PCDHGA5: variants seen among roughly 807,000 people sequenced by gnomAD.
The protein encoded by PCDHGA5 is protocadherin gamma-A5.
In PCDHGA5, 36 loss-of-function variants were observed where a neutral mutation model predicts 56.7. That is an observed-to-expected ratio of 0.64 (90% CI 0.49 to 0.84). The LOEUF is 0.84. Ranked by LOEUF, PCDHGA5 falls within the 40% of genes least tolerant of loss-of-function variation. PCDHGA5 has a pLI of 0.00. For synonymous variants in PCDHGA5, 563 were observed against 520.2 expected (o/e 1.08, Z -1.12); for missense variants, 1,305 against 1,201.5 (o/e 1.09, Z -1.27).
intron 1 of PCDHGA5, chr5:141,387,784 T>A (rs2091093181): frequency 6.8e-7 from 1 of 1,472,514 alleles, no homozygotes; most frequent in East Asian, 2.4e-5. Context: ...GAACTGGAAC[T>A]GCAACTAAAG....
At chr5:141,480,703 C>T (rs577131684) in intron 1 of PCDHGA5, among the ~76,000 whole-genome samples, 10 of 152,252 alleles carry the variant, frequency 6.6e-5, no homozygotes, top group Admixed American at 1.3e-4. Flanking sequence ...GGCCACACCC[C>T]GACAAATGAA....
At chr5:141,500,241 C>T (rs1284996879) in intron 2 of PCDHGA5, among the ~76,000 whole-genome samples, 18 of 150,770 alleles carry the variant, frequency 1.2e-4, no homozygotes, top group Non-Finnish European at 1.5e-5. Flanking sequence ...CGTAGCCTTG[C>T]TCTGTCACCC....
intron 2 of PCDHGA5, among the ~76,000 whole-genome samples, chr5:141,499,010 AAGG>A (rs2099788390): frequency 6.6e-6 from 1 of 151,098 alleles, no homozygotes; most frequent in Non-Finnish European, 1.5e-5. Context: ...GGAAGGAAGG[AAGG>A]AAGGAAGGAA....
intron 1 of PCDHGA5, chr5:141,370,241 T>A (rs1442707721): frequency 4.8e-6 from 3 of 626,086 alleles, no homozygotes; most frequent in Non-Finnish European, 7.8e-6. Flanking sequence ...GGAAGAAAAG[T>A]GCACTCTCTA....
In PCDHGA5 at chr5:141,405,081, C is replaced by T. The variant is rs749102403; in HGVS notation, c.2421+38330C>T. 1.0e-4 allele frequency: 163 copies of T among 1,613,766 alleles called. No homozygotes were observed. The highest frequency in any genetic ancestry group is 1.2e-4 in the Non-Finnish European group (138 of 1,179,768). ...TGTGTCTTCCTCACCTTCGTTATCA[C>T]GCTGCTGGCCCTCAGGCTGAGGCAC... On this transcript the variant is annotated intron_variant, in intron 1 of 3. Transcript: ENST00000518069.
chr5:141,476,725 C>G lies in PCDHGA5; in HGVS notation c.2422-18082C>G. On this transcript the variant is annotated intron_variant, in intron 1 of 3. Coordinates refer to ENST00000518069, the MANE Select transcript of PCDHGA5 (RefSeq NM_018918.3). This position sits in a 1 kb window ranked among gnomAD's most constrained non-coding sequence, Gnocchi z 7.6. ...AGCTGGTGTTGGAGCGCGCCCTGGA[C>G]CGAGAACGGGAGCCTAGTCTCCAGT... The G allele has an allele frequency of 6.2e-7, 1 of 1,614,132 alleles. No homozygotes were observed. Among genetic ancestry groups the G allele is most frequent in the Non-Finnish European group, 8.5e-7 (1 of 1,180,038 alleles).
At chr5:141,446,595 GCCTCC>G (rs2098508132) in intron 1 of PCDHGA5, among the ~76,000 whole-genome samples, 2 of 152,012 alleles carry the variant, frequency 1.3e-5, no homozygotes, top group South Asian at 4.1e-4. Context: ...TTCTGCCTCA[GCCTCC>G]TGAGTAGCTG....
intron 1 of PCDHGA5, among the ~76,000 whole-genome samples, chr5:141,468,281 C>T (rs568875291): frequency 6.8e-6 from 1 of 147,354 alleles, no homozygotes; most frequent in African/African-American, 2.5e-5. Flanking sequence ...GCCGAGACCA[C>T]GCCATTGCAC....
At position 141,428,173 on chromosome 5, in the gene PCDHGA5, C is replaced by T. The variant is rs192741775; in HGVS notation, c.2421+61422C>T. The T allele has an allele frequency of 3.3e-6, 5 of 1,514,730 alleles. No homozygotes were observed. In the East Asian group the frequency reaches 9.1e-5, roughly 28 times the overall value. 93.8% of individuals were successfully genotyped at this position (1,514,730 alleles called of 1,614,324 possible). A position where few individuals can be genotyped will look rare whatever the true frequency, so the allele number is the denominator to read the frequency against. On this transcript the variant is annotated intron_variant, in intron 1 of 3. Transcript: ENST00000518069. ...GGAACCTGCTGGTTGCTGTGCGTGA[C>T]GGAGGACAGCCGCCGCTCTCTGCGC... is the stretch of plus-strand genomic sequence containing the variant.
At chr5:141,429,387 T>A (rs372199649) in intron 1 of PCDHGA5, among the ~76,000 whole-genome samples, 4,783 of 151,430 alleles carry the variant, frequency 0.032, 106 homozygotes, top group African/African-American at 0.043. Context: ...GTTTTTTTTT[T>A]AAAAAAAATT....
intron 1 of PCDHGA5, among the ~76,000 whole-genome samples, chr5:141,386,522 C>CT (rs35543697): frequency 1 from 152,285 of 152,292 alleles, 76,139 homozygotes; most frequent in Middle Eastern, 1. Flanking sequence ...CAAAAAAAGA[C>CT]TCTTTTTAGA....
Position 141,420,101 on chromosome 5 carries a change from T to A in PCDHGA5, c.2421+53350T>A. 5 of 1,614,046 alleles carry A rather than the reference T, an allele frequency of 3.1e-6. No homozygotes were observed. Among genetic ancestry groups the A allele is most frequent in the Non-Finnish European group, 4.2e-6 (5 of 1,179,870 alleles). ...TCCCCCCAACTACAGTGAGGGAACGTTGCCCTATGCCTATAATTTTTGTGT... is the reference window on the plus strand; with the variant it reads ...TCCCCCCAACTACAGTGAGGGAACGATGCCCTATGCCTATAATTTTTGTGT... On this transcript the variant is annotated intron_variant, in intron 1 of 3. Transcript: ENST00000518069.
Position 141,476,387 on chromosome 5 carries a change from C to G in PCDHGA5, c.2422-18420C>G, listed in dbSNP as rs147660262. Reference sequence around the variant, plus strand: ...GACCGGAGAGATGTTTGTGAACGACCGTCTGGATCGAGAGGAGCTGTGTGG... The same window carrying G: ...GACCGGAGAGATGTTTGTGAACGACGGTCTGGATCGAGAGGAGCTGTGTGG... On this transcript the variant is annotated intron_variant, in intron 1 of 3. Coordinates refer to ENST00000518069, the MANE Select transcript of PCDHGA5 (RefSeq NM_018918.3). The surrounding 1 kb of genome is among the most constrained non-coding windows in gnomAD (Gnocchi z 7.6). 3.6e-4 allele frequency: 587 copies of G among 1,614,076 alleles called. No individual in the cohort carries two copies. The highest frequency in any genetic ancestry group is 4.7e-4 in the Non-Finnish European group (549 of 1,180,024).
chr5:141,459,989 A>G (rs2098979714), intron 1 of PCDHGA5, among the ~76,000 whole-genome samples: 1 of 152,204 alleles, frequency 6.6e-6, no homozygotes, highest in Non-Finnish European at 1.5e-5. Flanking sequence ...GAGACAGGAG[A>G]ATCGCTTGAA....
Position 141,500,858 on chromosome 5 carries a change from A to G in PCDHGA5, c.2481-4535A>G, listed in dbSNP as rs1160743056. Among the ~76,000 whole-genome samples the G allele has an allele frequency of 3.3e-5, 5 of 150,740 alleles. No individual in the cohort carries two copies. The South Asian group carries it at 1.0e-3, about 32-fold the overall frequency. ...TAATGGGCTTTTGCTACATTAGAAA[A>G]CATACACATTCATTTACAATTTTTT... On this transcript the variant is annotated intron_variant, in intron 2 of 3. Coordinates refer to ENST00000518069, the MANE Select transcript of PCDHGA5 (RefSeq NM_018918.3).
intron 1 of PCDHGA5, among the ~76,000 whole-genome samples, chr5:141,397,616 T>G (rs918214976): frequency 2.0e-5 from 3 of 152,194 alleles, no homozygotes; most frequent in Non-Finnish European, 4.4e-5. Context: ...AGGGCAATAC[T>G]TAGTTCTAGC....
At chr5:141,433,034 C>T in intron 1 of PCDHGA5, 1 of 1,614,184 alleles carries the variant, frequency 6.2e-7, no homozygotes. Flanking sequence ...CGAGGTTTCC[C>T]TCACCACGGA....
At chr5:141,443,328 A>C (rs569134076) in intron 1 of PCDHGA5, among the ~76,000 whole-genome samples, 24 of 151,794 alleles carry the variant, frequency 1.6e-4, no homozygotes, top group African/African-American at 4.8e-4. Context: ...AAAAAAAAAA[A>C]ACAAAAATTA....
intron 1 of PCDHGA5, chr5:141,393,556 G>A (rs758148175): frequency 5.6e-6 from 9 of 1,613,916 alleles, no homozygotes; most frequent in East Asian, 2.2e-5. Flanking sequence ...CCGATTTACC[G>A]AGTGAAAGTC....
Sources: gnomAD v4.1 joint callset for allele counts (sites outside exome capture counted in the v4.1 genomes callset) on GRCh38, gnomAD v4.1.1 for gene constraint, Gnocchi (gnomAD v3.1) non-coding constraint, MANE v1.5 for transcripts, NCBI Gene and HGNC (gene_info 2026-07-23, HGNC 2026-07-21) for gene names.